Variants in BBX observed in about 807,000 individuals in gnomAD.
BBX encodes BBX high mobility group box domain containing.
Under a neutral mutation model 100.2 loss-of-function variants are expected in BBX, and 30 were observed. The observed-to-expected ratio is 0.30, with a 90% CI of 0.22 to 0.41. The LOEUF (loss-of-function observed/expected upper bound fraction) is 0.41. Ranked by LOEUF, BBX falls within the 10% of genes least tolerant of loss-of-function variation. The pLI is 1.00. For synonymous variants in BBX, 376 were observed against 388.1 expected, an observed-to-expected ratio of 0.97 and a Z score of 0.37; for missense variants, 1,023 against 1,129.8, an observed-to-expected ratio of 0.91 and a Z score of 1.35.
intron 7 of BBX, among the ~76,000 whole-genome samples, chr3:107,738,823 T>C (rs1264226387): frequency 6.6e-6 from 1 of 152,202 alleles, no homozygotes; most frequent in Non-Finnish European, 1.5e-5. Context: ...CAGTTGACAT[T>C]GAGTATCTCA....
chr3:107,592,899 G>A (rs1243520957), intron 2 of BBX, among the ~76,000 whole-genome samples: 1 of 152,098 alleles, frequency 6.6e-6, no homozygotes. Context: ...TGCTCGTTTA[G>A]CACTTTGTTT....
At chr3:107,627,989 A>T (rs1429830784) in intron 2 of BBX, among the ~76,000 whole-genome samples, 1 of 152,074 alleles carries the variant, frequency 6.6e-6, no homozygotes, top group Non-Finnish European at 1.5e-5. Flanking sequence ...CATTTTATAA[A>T]ATCTAGAGTC....
At chr3:107,585,066 C>A (rs561825197) in intron 2 of BBX, among the ~76,000 whole-genome samples, 1 of 152,166 alleles carries the variant, frequency 6.6e-6, no homozygotes, top group Admixed American at 6.5e-5. Flanking sequence ...AGTTCAGTGG[C>A]ATGAACCATA....
At chr3:107,531,985 G>T (rs2048191148) in intron 2 of BBX, among the ~76,000 whole-genome samples, 1 of 152,042 alleles carries the variant, frequency 6.6e-6, no homozygotes. Flanking sequence ...TTGAGCTTAG[G>T]AGTTTAAGAC....
intron 3 of BBX, among the ~76,000 whole-genome samples, chr3:107,650,410 G>A (rs1382739955): frequency 1.3e-5 from 2 of 151,556 alleles, no homozygotes; most frequent in Non-Finnish European, 2.9e-5. Flanking sequence ...CCTACCATTC[G>A]TGGAAAAATT....
chr3:107,763,099 G>A (rs944494236), intron 10 of BBX, among the ~76,000 whole-genome samples: 1 of 152,084 alleles, frequency 6.6e-6, no homozygotes, highest in African/African-American at 2.4e-5. Context: ...CATTATGTAT[G>A]TGCAAGTATT....
At chr3:107,530,114 A>G (rs2107300286) in intron 2 of BBX, among the ~76,000 whole-genome samples, 1 of 152,316 alleles carries the variant, frequency 6.6e-6, no homozygotes, top group African/African-American at 2.4e-5. Flanking sequence ...GTGACAGGCT[A>G]GGTTTGGTGG....
chr3:107,755,913 G>A (rs1055154735), intron 10 of BBX, among the ~76,000 whole-genome samples: 3 of 152,114 alleles, frequency 2.0e-5, no homozygotes. Context: ...TTCACAGGTA[G>A]TATTTTAAAA....
intron 2 of BBX, among the ~76,000 whole-genome samples, chr3:107,540,677 T>C (rs951436953): frequency 6.6e-6 from 1 of 152,222 alleles, no homozygotes; most frequent in African/African-American, 2.4e-5. Flanking sequence ...AGGTTGCTAT[T>C]AACATACTTT....
At chr3:107,619,076 G>T (rs953345412) in intron 2 of BBX, among the ~76,000 whole-genome samples, 4 of 152,112 alleles carry the variant, frequency 2.6e-5, no homozygotes, top group Admixed American at 1.3e-4. Context: ...CTCCATCTAT[G>T]CATACACATT....
intron 2 of BBX, among the ~76,000 whole-genome samples, chr3:107,572,153 T>G (rs965328320): frequency 4.6e-5 from 7 of 152,208 alleles, no homozygotes; most frequent in Non-Finnish European, 1.0e-4. Context: ...TTTAAGGTGC[T>G]TAGGATGGTA....
intron 2 of BBX, among the ~76,000 whole-genome samples, chr3:107,573,806 A>G (rs1211828172): frequency 6.6e-6 from 1 of 152,090 alleles, no homozygotes; most frequent in Admixed American, 6.5e-5. Flanking sequence ...AGCTCACCGC[A>G]ACCTCTGCCT....
intron 10 of BBX, among the ~76,000 whole-genome samples, chr3:107,770,627 G>T (rs1162778897): frequency 6.6e-6 from 1 of 152,160 alleles, no homozygotes; most frequent in African/African-American, 2.4e-5. Context: ...GAAGTTCATA[G>T]TCTTCATAGC....
chr3:107,529,235 C>T (rs1231596296), intron 2 of BBX, among the ~76,000 whole-genome samples: 1 of 152,168 alleles, frequency 6.6e-6, no homozygotes, highest in African/African-American at 2.4e-5. Context: ...AAGATTTAAC[C>T]TTAAGCAGGT....
chr3:107,563,174 G>C (rs1261723884), intron 2 of BBX, among the ~76,000 whole-genome samples: 2 of 152,150 alleles, frequency 1.3e-5, no homozygotes, highest in African/African-American at 4.8e-5. Flanking sequence ...TTAATGGAGG[G>C]ATCTCTTCCA....
chr3:107,758,767 T>C (rs1385955529), intron 10 of BBX, among the ~76,000 whole-genome samples: 1 of 151,856 alleles, frequency 6.6e-6, no homozygotes, highest in Admixed American at 6.6e-5. Flanking sequence ...TTGTGTAGAG[T>C]TAACAGTAAC....
chr3:107,735,609 A>C (rs1381150646), intron 7 of BBX, among the ~76,000 whole-genome samples: 1 of 152,076 alleles, frequency 6.6e-6, no homozygotes, highest in African/African-American at 2.4e-5. Flanking sequence ...AAATTTTAAC[A>C]TAGGGAATAG....
chr3:107,670,585 G>C (rs2058969162), intron 3 of BBX, among the ~76,000 whole-genome samples: 1 of 151,842 alleles, frequency 6.6e-6, no homozygotes, highest in Non-Finnish European at 1.5e-5. Flanking sequence ...ATTTCAAAAA[G>C]AATAAAAATT....
rs1243140398 is a variant in BBX, at chr3:107,574,982, T to G, written c.-84+48584T>G. ...TTTCAGACTTAAAAATAAAGGAAGA[T>G]AAAATGGAAAGTGTTTTAGAACCAA... On this transcript the variant is annotated intron_variant, in intron 2 of 17. Transcript: ENST00000325805. 2.0e-5 allele frequency among the ~76,000 whole-genome samples: 3 copies of G among 152,104 alleles called. No individual in the cohort carries two copies. In the East Asian group the frequency reaches 5.8e-4, roughly 29 times the overall value.
Sources: allele counts gnomAD v4.1 joint callset (sites outside exome capture counted in the v4.1 genomes callset), GRCh38; gene constraint gnomAD v4.1.1; transcripts MANE v1.5; gene names NCBI Gene and HGNC (gene_info 2026-07-23, HGNC 2026-07-21).